Variants in RAB2A observed in about 807,000 individuals in gnomAD.
The protein encoded by RAB2A is ras-related protein Rab-2A.
Under a neutral mutation model 32.5 loss-of-function variants are expected in RAB2A, and 7 were observed. The observed-to-expected ratio is 0.22, with a 90% CI of 0.12 to 0.40. The LOEUF (loss-of-function observed/expected upper bound fraction) is 0.40, where lower values mean the gene tolerates loss of function less well. RAB2A is among the 10% of genes least tolerant of loss of function. The pLI is 1.00. For synonymous variants in RAB2A, 79 were observed against 85.2 expected (o/e 0.93, Z 0.40); for missense variants, 108 against 260.7 (o/e 0.41, Z 4.03).
chr8:60,586,598 A>C (rs193035316), intron 5 of RAB2A, among the ~76,000 whole-genome samples: 1 of 152,174 alleles, frequency 6.6e-6, no homozygotes, highest in East Asian at 1.9e-4. Flanking sequence ...AACTAAATAT[A>C]AGATGTCTTC....
intron 1 of RAB2A, among the ~76,000 whole-genome samples, chr8:60,518,898 A>C (rs549262452): frequency 6.6e-6 from 1 of 152,198 alleles, no homozygotes; most frequent in East Asian, 1.9e-4. Flanking sequence ...GCATTTGGCT[A>C]TCTCATTAGT....
At chr8:60,530,387 C>T (rs1807458694) in intron 1 of RAB2A, among the ~76,000 whole-genome samples, 2 of 152,046 alleles carry the variant, frequency 1.3e-5, no homozygotes, top group Non-Finnish European at 2.9e-5. Flanking sequence ...CTCATGTGAT[C>T]TGCCCACCTC....
At chr8:60,610,801 A>G (rs1484633040) in intron 6 of RAB2A, among the ~76,000 whole-genome samples, 1 of 152,206 alleles carries the variant, frequency 6.6e-6, no homozygotes, top group Non-Finnish European at 1.5e-5. Flanking sequence ...TAATAAATGC[A>G]TGTCATATAC....
chr8:60,556,476 A>T (rs75814003), intron 1 of RAB2A, among the ~76,000 whole-genome samples: 3,178 of 152,084 alleles, frequency 0.021, 98 homozygotes, highest in African/African-American at 0.072. Context: ...AAGTACAATT[A>T]TATGTCAATT....
chr8:60,612,773 A>G (rs1445541368), intron 6 of RAB2A, among the ~76,000 whole-genome samples: 1 of 152,206 alleles, frequency 6.6e-6, no homozygotes, highest in African/African-American at 2.4e-5. Flanking sequence ...ACACAGAGAA[A>G]CTGTATGAGA....
intron 1 of RAB2A, among the ~76,000 whole-genome samples, chr8:60,525,437 G>T (rs1807363622): frequency 6.6e-6 from 1 of 152,106 alleles, no homozygotes; most frequent in African/African-American, 2.4e-5. Context: ...CCCAGTCTCG[G>T]GTAGTATCTT....
chr8:60,536,380 C>T (rs568254286), intron 1 of RAB2A, among the ~76,000 whole-genome samples: 8 of 152,188 alleles, frequency 5.3e-5, no homozygotes, highest in East Asian at 3.9e-4. Flanking sequence ...TTATAATATA[C>T]GACTTAGAGA....
intron 1 of RAB2A, among the ~76,000 whole-genome samples, chr8:60,532,790 A>G (rs141480082): frequency 6.6e-6 from 1 of 152,208 alleles, no homozygotes; most frequent in Non-Finnish European, 1.5e-5. Flanking sequence ...GATTACATAC[A>G]TGAGCCACTG....
At chr8:60,541,397 TTAAAGG>T (rs1447074854) in intron 1 of RAB2A, among the ~76,000 whole-genome samples, 15 of 151,610 alleles carry the variant, frequency 9.9e-5, no homozygotes, top group Non-Finnish European at 1.6e-4. Flanking sequence ...TTTAAGGGAG[TTAAAGG>T]TAAAGAGATT....
chr8:60,560,113 A>G lies in RAB2A; in HGVS notation c.118+1190A>G, dbSNP rs190493219. On this transcript the variant is annotated intron_variant, in intron 2 of 7. Coordinates refer to ENST00000262646, the MANE Select transcript of RAB2A (RefSeq NM_002865.3). ...AACATTTTGTTTTGTTTTTTGAGAA[A>G]GAGTCTCGTTTTGTAGACTAGAGTG... Among the ~76,000 whole-genome samples the G allele has an allele frequency of 1.4e-4, 20 of 138,482 alleles. No individual in the cohort carries two copies. In the East Asian group the frequency reaches 3.9e-3, roughly 27 times the overall value. The allele number at this position is 138,482 out of a possible 152,430, so 90.8% of individuals were successfully genotyped here. A position where few individuals can be genotyped will look rare whatever the true frequency, so the allele number is the denominator to read the frequency against.
intron 1 of RAB2A, among the ~76,000 whole-genome samples, chr8:60,526,110 C>T (rs1475658131): frequency 1.4e-5 from 2 of 144,642 alleles, no homozygotes; most frequent in Non-Finnish European, 3.0e-5. Context: ...ACTGAAACAA[C>T]ATGAATTTAT....
Position 60,622,820 on chromosome 8 carries a change from A to G in RAB2A, c.*2051A>G, listed in dbSNP as rs988015864. 1 of 152,230 alleles carries G rather than the reference A, an allele frequency of 6.6e-6. No homozygotes were observed. The highest frequency in any genetic ancestry group is 2.4e-5 in the African/African-American group (1 of 41,452). 9.4% of individuals were successfully genotyped at this position (152,230 alleles called of 1,614,324 possible). A position where few individuals can be genotyped will look rare whatever the true frequency, so the allele number is the denominator to read the frequency against. On this transcript the variant is annotated 3_prime_UTR_variant, in exon 8 of 8. Coordinates refer to ENST00000262646, the MANE Select transcript of RAB2A (RefSeq NM_002865.3). ...TCTGGGGCAGCAGGTGGACTTCTCA[A>G]TAGTTCTTTTCCACATTCTCTACAA... is the stretch of plus-strand genomic sequence containing the variant.
At chr8:60,542,570 A>G (rs1037350430) in intron 1 of RAB2A, among the ~76,000 whole-genome samples, 4 of 152,162 alleles carry the variant, frequency 2.6e-5, no homozygotes, top group Non-Finnish European at 4.4e-5. Flanking sequence ...TGTAAGAGAT[A>G]CTGACATATA....
At chr8:60,536,062 A>G (rs745563144) in intron 1 of RAB2A, among the ~76,000 whole-genome samples, 1 of 152,244 alleles carries the variant, frequency 6.6e-6, no homozygotes, top group Admixed American at 6.5e-5. Context: ...TGCAAGAAGT[A>G]AAATTCCTGG....
intron 1 of RAB2A, among the ~76,000 whole-genome samples, chr8:60,531,890 C>T (rs2130810956): frequency 6.6e-6 from 1 of 151,264 alleles, no homozygotes; most frequent in Non-Finnish European, 1.5e-5. Context: ...GCAACCTCTG[C>T]CTCCTGGGTT....
intron 2 of RAB2A, among the ~76,000 whole-genome samples, chr8:60,562,734 A>T (rs778569130): frequency 1.4e-4 from 22 of 152,156 alleles, no homozygotes; most frequent in Non-Finnish European, 3.1e-4. Flanking sequence ...ATTGTCGATA[A>T]TGATAATTAC....
intron 6 of RAB2A, among the ~76,000 whole-genome samples, chr8:60,610,787 A>G (rs1040720222): frequency 2.6e-5 from 4 of 152,214 alleles, no homozygotes; most frequent in Non-Finnish European, 1.5e-5. Flanking sequence ...CAAGAAAATT[A>G]TGCTAATAAA....
intron 6 of RAB2A, among the ~76,000 whole-genome samples, chr8:60,611,598 T>C (rs1176401390): frequency 6.6e-6 from 1 of 152,202 alleles, no homozygotes; most frequent in Non-Finnish European, 1.5e-5. Context: ...CTGGTACAAA[T>C]CAAGCACTCA....
intron 1 of RAB2A, among the ~76,000 whole-genome samples, chr8:60,553,446 T>C (rs1369465473): frequency 1.3e-5 from 2 of 152,214 alleles, no homozygotes; most frequent in Non-Finnish European, 2.9e-5. Context: ...GCCAAACTGA[T>C]GCATCAAAAA....
Sources: gnomAD v4.1 joint callset for allele counts (sites outside exome capture counted in the v4.1 genomes callset) on GRCh38, gnomAD v4.1.1 for gene constraint, MANE v1.5 for transcripts, NCBI Gene and HGNC (gene_info 2026-07-23, HGNC 2026-07-21) for gene names.